KCNT2: variants seen among roughly 807,000 people sequenced by gnomAD.
The protein encoded by KCNT2 is potassium channel subfamily T member 2.
Under a neutral mutation model 153.8 loss-of-function variants are expected in KCNT2, and 67 were observed. The observed-to-expected ratio is 0.44, with a 90% confidence interval of 0.36 to 0.53. KCNT2 has a LOEUF of 0.53. Ranked by LOEUF, KCNT2 falls within the 20% of genes least tolerant of loss-of-function variation. The pLI is 0.00. For missense variants in KCNT2, 975 were observed against 1,354.8 expected, an observed-to-expected ratio of 0.72 and a Z score of 4.40; for synonymous variants, 500 against 458.8, an observed-to-expected ratio of 1.09 and a Z score of -1.15.
chr1:196,231,099 A>G (rs1653909391), intron 27 of KCNT2, among the ~76,000 whole-genome samples: 1 of 151,852 alleles, frequency 6.6e-6, no homozygotes, highest in Non-Finnish European at 1.5e-5. Context: ...AGCCATCAAC[A>G]TTGAGGCAAG....
chr1:196,285,200 G>A (rs1409244937), intron 23 of KCNT2, among the ~76,000 whole-genome samples: 1 of 152,128 alleles, frequency 6.6e-6, no homozygotes, highest in Non-Finnish European at 1.5e-5. Flanking sequence ...TTCTAAAATA[G>A]GCAATAATCA....
chr1:196,477,701 G>A (rs910269490), intron 5 of KCNT2, among the ~76,000 whole-genome samples: 4 of 152,130 alleles, frequency 2.6e-5, no homozygotes, highest in South Asian at 4.1e-4. Context: ...ACAAAAATTA[G>A]TAATGATTAT....
intron 18 of KCNT2, among the ~76,000 whole-genome samples, chr1:196,328,360 A>C (rs1052403087): frequency 6.6e-6 from 1 of 152,106 alleles, no homozygotes; most frequent in Non-Finnish European, 1.5e-5. Context: ...AGGGTGAAAA[A>C]ATTAAGACTT....
intron 9 of KCNT2, 69 bp downstream of exon 9, chr1:196,429,508 T>A (rs914110819): frequency 9.9e-7 from 1 of 1,014,864 alleles, no homozygotes; most frequent in African/African-American, 1.6e-5. Flanking sequence ...TTCCATTTCT[T>A]ATTAAATGTG....
intron 25 of KCNT2, among the ~76,000 whole-genome samples, chr1:196,274,217 C>G (rs1658343470): frequency 1.3e-5 from 2 of 151,478 alleles, no homozygotes; most frequent in South Asian, 4.1e-4. Context: ...AAAAATCATG[C>G]TGTCTTATTC....
At chr1:196,356,225 C>A (rs1328632599) in intron 14 of KCNT2, among the ~76,000 whole-genome samples, 1 of 151,562 alleles carries the variant, frequency 6.6e-6, no homozygotes, top group African/African-American at 2.4e-5. Context: ...TAAAATAAAA[C>A]CATTAGGGGA....
chr1:196,301,217 T>G (rs1253205469), intron 22 of KCNT2, among the ~76,000 whole-genome samples: 2 of 152,156 alleles, frequency 1.3e-5, no homozygotes, highest in Admixed American at 6.5e-5. Context: ...TGAATTTCCC[T>G]GAAGATCATT....
At chr1:196,420,846 G>C (rs957405540) in intron 12 of KCNT2, among the ~76,000 whole-genome samples, 6 of 152,012 alleles carry the variant, frequency 3.9e-5, no homozygotes, top group African/African-American at 1.4e-4. Flanking sequence ...TTTCTGAGTA[G>C]AGTATCCCTG....
At chr1:196,394,934 G>A (rs1217731338) in intron 13 of KCNT2, among the ~76,000 whole-genome samples, 1 of 150,598 alleles carries the variant, frequency 6.6e-6, no homozygotes, top group Non-Finnish European at 1.5e-5. Context: ...TGGTTATTTT[G>A]AAGATAACTT....
At chr1:196,593,295 A>AT (rs369191349) in intron 1 of KCNT2, among the ~76,000 whole-genome samples, 1,974 of 128,782 alleles carry the variant, frequency 0.015, 28 homozygotes, top group Non-Finnish European at 0.021. Flanking sequence ...TCATATATAT[A>AT]ATATATATAT....
At chr1:196,316,113 C>T in intron 20 of KCNT2, 87 bp from the exon 21 acceptor site, 2 of 1,234,780 alleles carry the variant, frequency 1.6e-6, no homozygotes, top group Non-Finnish European at 2.2e-6. Context: ...ATCCCCTGTG[C>T]TTATATAAGT....
intron 25 of KCNT2, among the ~76,000 whole-genome samples, chr1:196,277,349 T>C (rs1658664460): frequency 6.6e-6 from 1 of 152,170 alleles, no homozygotes; most frequent in African/African-American, 2.4e-5. Flanking sequence ...CACATCTGTA[T>C]TTTTAGGGCC....
In KCNT2 at chr1:196,276,902, A is replaced by T. The variant is rs142120252; in HGVS notation, c.2910+3958T>A. On this transcript the variant is annotated intron_variant, in intron 25 of 27. Transcript: ENST00000294725. ...GCTCATCTCTCTGAAAGATTTTAGG[A>T]TCCCCTCCTTTCCTTCAGTGTTTTG... 1.1e-3 allele frequency among the ~76,000 whole-genome samples: 170 copies of T among 152,010 alleles called. 1 individual carries two copies. Among genetic ancestry groups the T allele is most frequent in the Admixed American group, 2.1e-3 (32 of 15,224 alleles).
intron 14 of KCNT2, among the ~76,000 whole-genome samples, chr1:196,361,015 A>G (rs934444976): frequency 6.6e-6 from 1 of 152,110 alleles, no homozygotes; most frequent in Non-Finnish European, 1.5e-5. Flanking sequence ...TATGGGATAG[A>G]AGTAAGAAAA....
At chr1:196,454,661 A>C (rs1315975135) in intron 8 of KCNT2, among the ~76,000 whole-genome samples, 1 of 151,912 alleles carries the variant, frequency 6.6e-6, no homozygotes, top group East Asian at 1.9e-4. Context: ...GTATATACCC[A>C]GTAATGGAAT....
intron 1 of KCNT2, among the ~76,000 whole-genome samples, chr1:196,576,378 T>C (rs967794641): frequency 3.3e-5 from 5 of 152,066 alleles, no homozygotes; most frequent in Admixed American, 6.6e-5. Flanking sequence ...TGAATAGATG[T>C]TTTTCTATTT....
intron 12 of KCNT2, among the ~76,000 whole-genome samples, chr1:196,403,304 G>C (rs74427223): frequency 0.014 from 2,168 of 151,694 alleles, 36 homozygotes; most frequent in South Asian, 0.054. Flanking sequence ...AATCTGAAAA[G>C]GCTACATACT....
At chr1:196,518,832 A>G (rs1258909352) in intron 1 of KCNT2, among the ~76,000 whole-genome samples, 1 of 152,114 alleles carries the variant, frequency 6.6e-6, no homozygotes, top group Non-Finnish European at 1.5e-5. Flanking sequence ...GACTTCCACA[A>G]AATAATAGCG....
At chr1:196,325,345 A>G (rs1428659378) in intron 19 of KCNT2, among the ~76,000 whole-genome samples, 1 of 152,040 alleles carries the variant, frequency 6.6e-6, no homozygotes, top group Non-Finnish European at 1.5e-5. Context: ...ACATATAGCT[A>G]CTCTAAGGCA....
Sources: gnomAD v4.1 joint callset for allele counts (sites outside exome capture counted in the v4.1 genomes callset) on GRCh38, gnomAD v4.1.1 for gene constraint, MANE v1.5 for transcripts, NCBI Gene and HGNC (gene_info 2026-07-23, HGNC 2026-07-21) for gene names.